Variants in ANKS1B observed in about 807,000 individuals in gnomAD.
ANKS1B encodes ankyrin repeat and sterile alpha motif domain containing 1B.
A neutral mutation model predicts 148.3 loss-of-function variants in ANKS1B; 36 were observed. That is an observed-to-expected ratio of 0.24 (90% CI 0.19 to 0.32). The LOEUF (loss-of-function observed/expected upper bound fraction) is 0.32, where lower values mean the gene tolerates loss of function less well. Among genes scored for constraint, ANKS1B ranks in the 10% least tolerant of loss-of-function variants. The pLI is 1.00. For missense variants in ANKS1B, 1,157 were observed against 1,542.6 expected, an observed-to-expected ratio of 0.75 and a Z score of 4.19; for synonymous variants, 542 against 560.8, an observed-to-expected ratio of 0.97 and a Z score of 0.47.
At chr12:99,882,080 G>T (rs1212593379) in intron 1 of ANKS1B, among the ~76,000 whole-genome samples, 1 of 152,116 alleles carries the variant, frequency 6.6e-6, no homozygotes, top group African/African-American at 2.4e-5. Context: ...AAGACGTGAA[G>T]AAGAACCAAA....
intron 9 of ANKS1B, among the ~76,000 whole-genome samples, chr12:99,558,404 T>C (rs994881937): frequency 1.3e-5 from 2 of 151,858 alleles, no homozygotes; most frequent in Non-Finnish European, 2.9e-5. Context: ...CAGCATGGGA[T>C]GGGAGGCAAG....
At position 98,829,430 on chromosome 12, in the gene ANKS1B, A is replaced by G; in HGVS notation, c.2887-77T>C. 6.9e-7 allele frequency: 1 copy of G among 1,453,882 alleles called. No individual in the cohort carries two copies. Among genetic ancestry groups the G allele is most frequent in the Non-Finnish European group, 9.4e-7 (1 of 1,068,272 alleles). 90.1% of individuals were successfully genotyped at this position (1,453,882 alleles called of 1,614,324 possible). A position where few individuals can be genotyped will look rare whatever the true frequency, so the allele number is the denominator to read the frequency against. The stretch of plus-strand genomic sequence containing the variant: ...GGTTTCAAAATTGTGAAATACTGAC[A>G]AGACAAACTGTGGGGGTGGGGAGTC... On this transcript the variant is annotated intron_variant, in intron 18 of 26. Transcript: ENST00000683438. The surrounding 1 kb of genome is among the most constrained non-coding windows in gnomAD (Gnocchi z 5.2).
At chr12:99,788,553 G>A (rs746062902) in intron 4 of ANKS1B, among the ~76,000 whole-genome samples, 2 of 152,124 alleles carry the variant, frequency 1.3e-5, no homozygotes, top group Non-Finnish European at 2.9e-5. Flanking sequence ...TGGTGGCTAC[G>A]GTGAACAACT....
chr12:98,878,715 C>A (rs752929696), intron 17 of ANKS1B, among the ~76,000 whole-genome samples: 5 of 152,072 alleles, frequency 3.3e-5, no homozygotes, highest in Non-Finnish European at 7.4e-5. Context: ...TTGGGGAAAC[C>A]ACATTGATTA....
intron 1 of ANKS1B, among the ~76,000 whole-genome samples, chr12:99,916,504 C>T (rs11609684): frequency 0.61 from 92,222 of 151,988 alleles, 29,126 homozygotes; most frequent in Middle Eastern, 0.7. Flanking sequence ...GTACCTGGTC[C>T]CTGAGTACAT....
intron 9 of ANKS1B, among the ~76,000 whole-genome samples, chr12:99,541,052 T>C (rs2097120967): frequency 6.6e-6 from 1 of 152,048 alleles, no homozygotes. Flanking sequence ...AACAAAATCC[T>C]ACCAAAACTG....
chr12:99,753,773 G>A (rs147031010), intron 8 of ANKS1B, among the ~76,000 whole-genome samples: 2,111 of 152,184 alleles, frequency 0.014, 22 homozygotes, highest in Non-Finnish European at 0.023. Context: ...TGTAATACTA[G>A]CACTTTGGGA....
At chr12:99,313,450 C>T (rs2083483195) in intron 12 of ANKS1B, among the ~76,000 whole-genome samples, 1 of 152,094 alleles carries the variant, frequency 6.6e-6, no homozygotes, top group South Asian at 2.1e-4. Context: ...CAAAACCGGG[C>T]AGAGACACAA....
intron 12 of ANKS1B, among the ~76,000 whole-genome samples, chr12:99,331,235 C>A (rs1372164609): frequency 6.6e-6 from 1 of 151,772 alleles, no homozygotes; most frequent in Non-Finnish European, 1.5e-5. Context: ...AACCTGACAC[C>A]TCTGGGTTTA....
intron 15 of ANKS1B, among the ~76,000 whole-genome samples, chr12:99,149,028 A>G (rs528981197): frequency 2.6e-5 from 4 of 151,726 alleles, no homozygotes; most frequent in Non-Finnish European, 5.9e-5. Context: ...AAGTTCACAA[A>G]ATTTTCCTAA....
intron 8 of ANKS1B, among the ~76,000 whole-genome samples, chr12:99,708,172 AT>A (rs1435582441): frequency 6.6e-6 from 1 of 152,202 alleles, no homozygotes; most frequent in Non-Finnish European, 1.5e-5. Context: ...CAGCCTTGCC[AT>A]CTAGACTATT....
At chr12:98,993,747 A>G (rs191900031) in intron 17 of ANKS1B, among the ~76,000 whole-genome samples, 1 of 152,322 alleles carries the variant, frequency 6.6e-6, no homozygotes, top group Admixed American at 6.5e-5. Context: ...TGAAAGAAAA[A>G]TGATGATTAT....
At chr12:99,166,899 T>C (rs939935741) in intron 14 of ANKS1B, among the ~76,000 whole-genome samples, 4 of 152,000 alleles carry the variant, frequency 2.6e-5, no homozygotes, top group Non-Finnish European at 5.9e-5. Context: ...ATTAGGATAT[T>C]GGGGTCAAGA....
chr12:99,547,018 G>A (rs1377038687), intron 9 of ANKS1B, among the ~76,000 whole-genome samples: 2 of 152,074 alleles, frequency 1.3e-5, no homozygotes, highest in African/African-American at 4.8e-5. Context: ...CTACAGCAGT[G>A]GGACACTGGG....
chr12:99,743,769 C>T (rs1291968091), intron 8 of ANKS1B, among the ~76,000 whole-genome samples: 1 of 152,130 alleles, frequency 6.6e-6, no homozygotes, highest in African/African-American at 2.4e-5. Context: ...GTGGAAATTT[C>T]CCAAGACAAC....
intron 9 of ANKS1B, among the ~76,000 whole-genome samples, chr12:99,574,174 G>T (rs1044338442): frequency 6.6e-6 from 1 of 152,078 alleles, no homozygotes; most frequent in Non-Finnish European, 1.5e-5. Flanking sequence ...AGAATCCAAT[G>T]AAATCTCTGT....
At chr12:98,948,773 C>CCA (rs2099849267) in intron 17 of ANKS1B, among the ~76,000 whole-genome samples, 1 of 147,850 alleles carries the variant, frequency 6.8e-6, no homozygotes, top group Admixed American at 6.7e-5. Flanking sequence ...CCACACCCCC[C>CCA]CCCACACACA....
chr12:98,842,492 G>T (rs1280034193), intron 17 of ANKS1B, among the ~76,000 whole-genome samples: 1 of 152,204 alleles, frequency 6.6e-6, no homozygotes, highest in South Asian at 2.1e-4. Flanking sequence ...TCTAAAATGG[G>T]ATTGTGTTGA....
At chr12:99,737,128 T>C (rs1830792873) in intron 8 of ANKS1B, among the ~76,000 whole-genome samples, 1 of 152,030 alleles carries the variant, frequency 6.6e-6, no homozygotes, top group African/African-American at 2.4e-5. Flanking sequence ...AGTATGGAGA[T>C]TTTTCAAAAA....
Sources: gnomAD v4.1 joint callset for allele counts (sites outside exome capture counted in the v4.1 genomes callset) on GRCh38, gnomAD v4.1.1 for gene constraint, Gnocchi (gnomAD v3.1) non-coding constraint, MANE v1.5 for transcripts, NCBI Gene and HGNC (gene_info 2026-07-23, HGNC 2026-07-21) for gene names.